Variants in ATP8A2 observed in about 807,000 individuals in gnomAD.
ATP8A2 encodes the protein ATPase phospholipid transporting 8A2.
ATP8A2 carries 100 observed loss-of-function variants against 165.6 expected under a neutral mutation model. That is an observed-to-expected ratio of 0.60 (90% CI 0.51 to 0.71). The LOEUF (loss-of-function observed/expected upper bound fraction) is 0.71, where lower values mean the gene tolerates loss of function less well. Among genes scored for constraint, ATP8A2 ranks in the 30% least tolerant of loss-of-function variants. The pLI, the probability that ATP8A2 is intolerant of heterozygous loss-of-function variation, is 0.00. For missense variants in ATP8A2, 1,227 were observed against 1,479.5 expected (o/e 0.83, Z 2.80); for synonymous variants, 543 against 548.8 (o/e 0.99, Z 0.15).
intron 1 of ATP8A2, among the ~76,000 whole-genome samples, chr13:25,451,852 G>GTTTTTTTTTTTTTTTTTTTTTTT (rs67427237): frequency 6.8e-6 from 1 of 146,800 alleles, no homozygotes. Flanking sequence ...TACCTTCATG[G>GTTTTTTTTTTTTTTTTTTTTTTT]TTTTTTTTTT....
chr13:25,976,539 G>T (rs1465602257), intron 35 of ATP8A2, among the ~76,000 whole-genome samples: 7 of 151,854 alleles, frequency 4.6e-5, no homozygotes, highest in Non-Finnish European at 1.0e-4. Flanking sequence ...ACCAGGAGGG[G>T]TGCTTACCTT....
At chr13:25,527,506 G>A (rs566593947) in intron 2 of ATP8A2, among the ~76,000 whole-genome samples, 61 of 152,246 alleles carry the variant, frequency 4.0e-4, no homozygotes, top group African/African-American at 1.4e-3. Flanking sequence ...CTTTAATTCT[G>A]TAACATGACA....
At chr13:25,555,402 G>A (rs1248925118) in intron 13 of ATP8A2, among the ~76,000 whole-genome samples, 3 of 152,142 alleles carry the variant, frequency 2.0e-5, no homozygotes, top group African/African-American at 7.2e-5. Context: ...GAGATACTTA[G>A]ATATTGAGTA....
rs558107355 is a variant in ATP8A2, at chr13:25,571,581, T to A, written c.1580-29T>A. 5.3e-5 allele frequency: 83 copies of A among 1,564,534 alleles called. No individual in the cohort carries two copies. The Admixed American group carries it at 1.4e-3, about 26-fold the overall frequency. ...GAATTCTGTCACTACCAGTGATATGTCAATGTTTCACCAACTCCCACTTGA... is the reference window on the plus strand; with the variant it reads ...GAATTCTGTCACTACCAGTGATATGACAATGTTTCACCAACTCCCACTTGA... On this transcript the variant is annotated intron_variant, in intron 17 of 36. Coordinates refer to ENST00000381655, the MANE Select transcript of ATP8A2 (RefSeq NM_016529.6).
At chr13:25,924,984 C>CT (rs1471835087) in intron 33 of ATP8A2, among the ~76,000 whole-genome samples, 1 of 152,170 alleles carries the variant, frequency 6.6e-6, no homozygotes, top group African/African-American at 2.4e-5. Context: ...CGTTAAACCT[C>CT]TTTTTCTTTA....
chr13:26,012,453 C>A, intron 35 of ATP8A2, 78 bp from the exon 36 acceptor site: 1 of 1,199,432 alleles, frequency 8.3e-7, no homozygotes, highest in East Asian at 2.8e-5. Context: ...CCACCTCATC[C>A]CACCCCCTTC....
chr13:26,012,507 C>T, intron 35 of ATP8A2, 24 bp from the exon 36 acceptor site: 5 of 1,535,922 alleles, frequency 3.3e-6, no homozygotes, highest in Non-Finnish European at 4.4e-6. Context: ...TGACAAGAGA[C>T]TGACGCGCTT....
intron 2 of ATP8A2, among the ~76,000 whole-genome samples, chr13:25,508,179 C>G (rs1372485156): frequency 6.6e-6 from 1 of 152,154 alleles, no homozygotes; most frequent in Non-Finnish European, 1.5e-5. Context: ...ATCCTTTTAG[C>G]ATGTTGTCTA....
At chr13:25,502,464 A>T (rs2036884648) in intron 2 of ATP8A2, among the ~76,000 whole-genome samples, 1 of 152,160 alleles carries the variant, frequency 6.6e-6, no homozygotes, top group African/African-American at 2.4e-5. Flanking sequence ...GGTGTCCCTT[A>T]TTGTCATCTA....
chr13:25,712,902 C>G (rs982269345), intron 25 of ATP8A2, among the ~76,000 whole-genome samples: 8 of 152,114 alleles, frequency 5.3e-5, no homozygotes, highest in African/African-American at 1.9e-4. Flanking sequence ...ATGTTTAAAA[C>G]TATGTGATTC....
intron 13 of ATP8A2, among the ~76,000 whole-genome samples, chr13:25,557,402 T>C (rs1489651111): frequency 1.3e-5 from 2 of 152,156 alleles, no homozygotes; most frequent in Non-Finnish European, 2.9e-5. Context: ...AATGGCTTTG[T>C]CATTTCCTTT....
chr13:25,859,631 G>T (rs1029584045), intron 30 of ATP8A2, among the ~76,000 whole-genome samples: 2 of 151,966 alleles, frequency 1.3e-5, no homozygotes, highest in African/African-American at 4.8e-5. Flanking sequence ...CTAAACTTCT[G>T]TCATTGGAGT....
At chr13:25,651,788 A>G (rs1043497494) in intron 24 of ATP8A2, among the ~76,000 whole-genome samples, 2 of 151,992 alleles carry the variant, frequency 1.3e-5, no homozygotes, top group Non-Finnish European at 2.9e-5. Flanking sequence ...CTTCTAAAGT[A>G]TGTCTTTATA....
intron 2 of ATP8A2, among the ~76,000 whole-genome samples, chr13:25,489,682 G>T (rs2036462908): frequency 1.3e-5 from 2 of 152,220 alleles, no homozygotes; most frequent in Non-Finnish European, 2.9e-5. Flanking sequence ...CAGAAAATGA[G>T]AATTGGCTTA....
At chr13:25,870,076 T>A (rs976326500) in intron 33 of ATP8A2, among the ~76,000 whole-genome samples, 3 of 152,184 alleles carry the variant, frequency 2.0e-5, no homozygotes, top group Admixed American at 2.0e-4. Context: ...GGGAGATGAC[T>A]TTTCCCTGGA....
intron 35 of ATP8A2, among the ~76,000 whole-genome samples, chr13:26,006,621 A>C (rs1460093305): frequency 6.6e-6 from 1 of 152,008 alleles, no homozygotes; most frequent in African/African-American, 2.4e-5. Context: ...GTCTTTTACC[A>C]TTAAGTATGA....
chr13:25,964,961 A>G (rs1955745861), intron 34 of ATP8A2, among the ~76,000 whole-genome samples: 1 of 152,188 alleles, frequency 6.6e-6, no homozygotes, highest in Admixed American at 6.5e-5. Flanking sequence ...GGAGTTCAAG[A>G]TCAGCCCGGC....
chr13:25,426,034 C>T (rs1173275686), intron 1 of ATP8A2, among the ~76,000 whole-genome samples: 2 of 152,204 alleles, frequency 1.3e-5, no homozygotes, highest in African/African-American at 4.8e-5. Flanking sequence ...TTGCAAGAAG[C>T]AACACCATGA....
chr13:25,464,313 G>A (rs1229480854), intron 1 of ATP8A2, among the ~76,000 whole-genome samples: 1 of 151,936 alleles, frequency 6.6e-6, no homozygotes, highest in Non-Finnish European at 1.5e-5. Flanking sequence ...TACCACACTA[G>A]TTAAGATACG....
Sources: allele counts gnomAD v4.1 joint callset (sites outside exome capture counted in the v4.1 genomes callset), GRCh38; gene constraint gnomAD v4.1.1; transcripts MANE v1.5; gene names NCBI Gene and HGNC (gene_info 2026-07-23, HGNC 2026-07-21).